Variants in SARNP observed in about 807,000 individuals in gnomAD.
The protein encoded by SARNP is SAP domain-containing ribonucleoprotein.
A neutral mutation model predicts 38.1 loss-of-function variants in SARNP; 5 were observed. The observed-to-expected ratio is 0.13, with a 90% confidence interval of 0.07 to 0.28. The LOEUF is 0.28. Among genes scored for constraint, SARNP ranks in the 10% least tolerant of loss-of-function variants. The pLI is 1.00. For synonymous variants in SARNP, 84 were observed against 80.6 expected, an observed-to-expected ratio of 1.04 and a Z score of -0.23; for missense variants, 180 against 243.9, an observed-to-expected ratio of 0.74 and a Z score of 1.75.
intron 2 of SARNP, among the ~76,000 whole-genome samples, chr12:55,802,349 A>G (rs1880003877): frequency 6.6e-6 from 1 of 151,978 alleles, no homozygotes; most frequent in South Asian, 2.1e-4. Context: ...ACTATATACT[A>G]TTAGTATATA....
At chr12:55,817,376 G>A (rs1041540167) in intron 1 of SARNP, among the ~76,000 whole-genome samples, 6 of 152,196 alleles carry the variant, frequency 3.9e-5, no homozygotes, top group Admixed American at 2.0e-4. Flanking sequence ...GAAAAGCAAC[G>A]AAGAGTATAA....
At chr12:55,777,369 CCTTT>C (rs1879210794) in intron 9 of SARNP, among the ~76,000 whole-genome samples, 1 of 151,510 alleles carries the variant, frequency 6.6e-6, no homozygotes, top group African/African-American at 2.4e-5. Flanking sequence ...AAAAACTTTT[CCTTT>C]TTTTTTTATT....
chr12:55,800,993 C>A lies in SARNP; in HGVS notation c.137-93G>T, dbSNP rs1879964017. On this transcript the variant is annotated intron_variant, in intron 2 of 10. Transcript: ENST00000336133. ...AAATTATAATCACTTTGCTTTCCCC[C>A]AAAAAATCCAACAGTGAAGGCAGAA... 5 of 1,060,696 alleles carry A rather than the reference C, an allele frequency of 4.7e-6. No homozygotes were observed. In the Admixed American group the frequency reaches 7.1e-5, roughly 15 times the overall value. 65.7% of individuals were successfully genotyped at this position (1,060,696 alleles called of 1,614,324 possible).
intron 9 of SARNP, among the ~76,000 whole-genome samples, chr12:55,785,453 T>C (rs563786432): frequency 6.6e-6 from 1 of 152,112 alleles, no homozygotes; most frequent in South Asian, 2.1e-4. Context: ...AAAGTATCAC[T>C]GTTAGGTAAT....
intron 9 of SARNP, among the ~76,000 whole-genome samples, chr12:55,774,305 T>G (rs1879097633): frequency 1.3e-5 from 2 of 152,098 alleles, no homozygotes; most frequent in African/African-American, 4.8e-5. Flanking sequence ...CCACATTTGT[T>G]CATTTCTAAC....
intron 5 of SARNP, among the ~76,000 whole-genome samples, chr12:55,795,364 G>A (rs1196816329): frequency 1.3e-5 from 2 of 151,864 alleles, no homozygotes; most frequent in Non-Finnish European, 2.9e-5. Context: ...AGGACTTAAC[G>A]GCCCTTCCCA....
intron 9 of SARNP, among the ~76,000 whole-genome samples, chr12:55,764,953 C>G (rs572119026): frequency 1.6e-4 from 24 of 151,364 alleles, no homozygotes; most frequent in Non-Finnish European, 3.1e-4. Context: ...AAAGTGAATA[C>G]GGAATATAAA....
At chr12:55,772,187 T>TA (rs1260031472) in intron 9 of SARNP, among the ~76,000 whole-genome samples, 3 of 152,064 alleles carry the variant, frequency 2.0e-5, no homozygotes, top group Non-Finnish European at 4.4e-5. Flanking sequence ...AATAATATGG[T>TA]AGAGACACTC....
intron 1 of SARNP, among the ~76,000 whole-genome samples, chr12:55,805,124 T>A (rs1465998967): frequency 6.6e-6 from 1 of 152,002 alleles, no homozygotes; most frequent in Non-Finnish European, 1.5e-5. Flanking sequence ...TAGCCAGGCG[T>A]GGTGGCAGGC....
At position 55,794,791 on chromosome 12, in the gene SARNP, G is replaced by A. The variant is rs200914899; in HGVS notation, c.377+16C>T. On this transcript the variant is annotated intron_variant, in intron 6 of 10. Transcript: ENST00000336133. ...CAACACCCCTATCAGAGGCCCAAAA[G>A]GCTGGGGACACTCACCTAGCTGCCC... 1.3e-6 allele frequency: 2 copies of A among 1,549,432 alleles called. No individual in the cohort carries two copies. Among genetic ancestry groups the A allele is most frequent in the African/African-American group, 2.7e-5 (2 of 73,320 alleles).
downstream of SARNP, chr12:55,756,183 G>C (rs1420181344): frequency 6.6e-6 from 1 of 152,202 alleles, no homozygotes; most frequent in African/African-American, 2.4e-5. Context: ...AGAGGGAAAA[G>C]GGAAGGTCAT....
chr12:55,806,833 C>T (rs7299222), intron 1 of SARNP, among the ~76,000 whole-genome samples: 2 of 152,120 alleles, frequency 1.3e-5, no homozygotes, highest in South Asian at 2.1e-4. Flanking sequence ...CCACCGCGCC[C>T]GGCCTTAAAT....
At chr12:55,797,861 C>A (rs1312712158) in intron 4 of SARNP, among the ~76,000 whole-genome samples, 2 of 152,196 alleles carry the variant, frequency 1.3e-5, no homozygotes, top group Admixed American at 6.5e-5. Context: ...AGTCTAACCA[C>A]AACTATCCTC....
intron 9 of SARNP, among the ~76,000 whole-genome samples, chr12:55,774,727 C>A (rs533050806): frequency 6.6e-6 from 1 of 151,588 alleles, no homozygotes; most frequent in East Asian, 2.0e-4. Context: ...AGCAAAAGCA[C>A]CCTCAAAATA....
At chr12:55,769,880 G>A (rs1172158975) in intron 9 of SARNP, among the ~76,000 whole-genome samples, 5 of 152,206 alleles carry the variant, frequency 3.3e-5, no homozygotes, top group Non-Finnish European at 7.3e-5. Flanking sequence ...AACTAGCTAA[G>A]CTATGATGTT....
intron 1 of SARNP, among the ~76,000 whole-genome samples, chr12:55,804,346 C>A (rs1880071641): frequency 6.7e-6 from 1 of 150,182 alleles, no homozygotes; most frequent in Non-Finnish European, 1.5e-5. Flanking sequence ...ATCAATTTTA[C>A]AGACAATAGG....
intron 1 of SARNP, among the ~76,000 whole-genome samples, chr12:55,816,254 T>C (rs1441381857): frequency 2.0e-5 from 3 of 152,234 alleles, no homozygotes; most frequent in Non-Finnish European, 2.9e-5. Flanking sequence ...AGTTCCTTTT[T>C]ATCTCATTCA....
chr12:55,812,541 C>T (rs1362506897), intron 1 of SARNP, among the ~76,000 whole-genome samples: 1 of 152,152 alleles, frequency 6.6e-6, no homozygotes, highest in Non-Finnish European at 1.5e-5. Flanking sequence ...GAGTGAAAGA[C>T]CCACATTTCC....
At chr12:55,763,647 C>G (rs1462510539) in intron 9 of SARNP, among the ~76,000 whole-genome samples, 1 of 152,034 alleles carries the variant, frequency 6.6e-6, no homozygotes, top group Non-Finnish European at 1.5e-5. Context: ...AGAGGGGGAT[C>G]TCGCTATGTT....
Sources: gnomAD v4.1 joint callset for allele counts (sites outside exome capture counted in the v4.1 genomes callset) on GRCh38, gnomAD v4.1.1 for gene constraint, MANE v1.5 for transcripts, NCBI Gene and HGNC (gene_info 2026-07-23, HGNC 2026-07-21) for gene names.